HECW1: variants seen among roughly 807,000 people sequenced by gnomAD.
HECW1 encodes HECT, C2 and WW domain containing E3 ubiquitin protein ligase 1.
Under a neutral mutation model 182.3 loss-of-function variants are expected in HECW1, and 61 were observed. That is an observed-to-expected ratio of 0.33 (90% confidence interval 0.27 to 0.41). The LOEUF (loss-of-function observed/expected upper bound fraction) is 0.41, where lower values mean the gene tolerates loss of function less well. Ranked by LOEUF, HECW1 falls within the 10% of genes least tolerant of loss-of-function variation. The probability of loss-of-function intolerance (pLI) is 1.00; values close to 1 mark genes in which losing one functional copy is unlikely to be tolerated. For missense variants in HECW1, 1,739 were observed against 2,108.9 expected, an observed-to-expected ratio of 0.82 and a Z score of 3.44; for synonymous variants, 859 against 832.6, an observed-to-expected ratio of 1.03 and a Z score of -0.55.
At chr7:43,178,529 C>T (rs1326343521) in intron 2 of HECW1, among the ~76,000 whole-genome samples, 1 of 152,230 alleles carries the variant, frequency 6.6e-6, no homozygotes, top group Non-Finnish European at 1.5e-5. Flanking sequence ...GGCCTCCAGA[C>T]AGCTTTCTGT....
At chr7:43,130,794 T>A (rs1786829498) in intron 2 of HECW1, among the ~76,000 whole-genome samples, 1 of 152,206 alleles carries the variant, frequency 6.6e-6, no homozygotes, top group Non-Finnish European at 1.5e-5. Flanking sequence ...TGGCATTATG[T>A]CGGCATTTAA....
At chr7:43,277,686 C>A (rs1393846482) in intron 3 of HECW1, among the ~76,000 whole-genome samples, 3 of 152,190 alleles carry the variant, frequency 2.0e-5, no homozygotes, top group African/African-American at 7.2e-5. Flanking sequence ...CCATTTACCA[C>A]ACATTGTCTT....
At chr7:43,362,152 A>AAG (rs1816038121) in intron 6 of HECW1, among the ~76,000 whole-genome samples, 1 of 141,748 alleles carries the variant, frequency 7.1e-6, no homozygotes, top group Non-Finnish European at 1.5e-5. Context: ...AAAAAAAAAA[A>AAG]GAGAGAGAGA....
At chr7:43,296,317 T>C (rs1562796783) in intron 3 of HECW1, among the ~76,000 whole-genome samples, 1 of 152,216 alleles carries the variant, frequency 6.6e-6, no homozygotes, top group South Asian at 2.1e-4. Context: ...ATTTTTCAAA[T>C]TTTTAGCATG....
chr7:43,342,120 G>A lies in HECW1; in HGVS notation c.461-18766G>A, dbSNP rs116790860. 4.6e-3 allele frequency among the ~76,000 whole-genome samples: 704 copies of A among 151,852 alleles called. 29 individuals carry two copies. Among genetic ancestry groups the A allele is most frequent in the African/African-American group, 0.016 (677 of 41,204 alleles). On this transcript the variant is annotated intron_variant, in intron 5 of 29. Transcript: ENST00000395891. ...GGTGTTGGTTAAAAACCAGACTCAC[G>A]CCTGAAAAGCTTTAACATTTTACCT...
intron 9 of HECW1, chr7:43,438,351 G>T: frequency 2.3e-6 from 1 of 436,298 alleles, no homozygotes; most frequent in Non-Finnish European, 4.0e-6. Context: ...CACTTGATGT[G>T]TAACACTGGT....
At chr7:43,173,232 G>T (rs1471728801) in intron 2 of HECW1, among the ~76,000 whole-genome samples, 4 of 151,734 alleles carry the variant, frequency 2.6e-5, no homozygotes, top group Non-Finnish European at 5.9e-5. Context: ...TAAAAAAGAC[G>T]CAGAGGAAAA....
rs2082313492 is a variant in HECW1, at chr7:43,565,729, C to T, written c.*3803C>T. The stretch of plus-strand genomic sequence containing the variant: ...ATTTTCCTGTTAGTGACATGTAGTC[C>T]CTTTGTTCTAGTAGGAAAAAAGGTG... On this transcript the variant is annotated 3_prime_UTR_variant, in exon 30 of 30. Transcript: ENST00000395891. The T allele has an allele frequency of 5.4e-6, 1 of 185,812 alleles. No individual in the cohort carries two copies. The highest frequency in any genetic ancestry group is 8.6e-5 in the East Asian group (1 of 11,578). The allele number at this position is 185,812 out of a possible 1,614,324, so 11.5% of individuals were successfully genotyped here. A position where few individuals can be genotyped will look rare whatever the true frequency, so the allele number is the denominator to read the frequency against.
In HECW1 at chr7:43,324,991, C is replaced by T. The variant is rs745623594; in HGVS notation, c.460+4249C>T. 4.4e-4 allele frequency among the ~76,000 whole-genome samples: 67 copies of T among 152,118 alleles called. 1 individual carries two copies. Among genetic ancestry groups the T allele is most frequent in the Admixed American group, 2.2e-3 (34 of 15,278 alleles). ...AGTAGGTAATTGCTATTGATTTATA[C>T]AATTTTTAATGGTCTGACTAAATCT... is the stretch of plus-strand genomic sequence containing the variant. On this transcript the variant is annotated intron_variant, in intron 5 of 29. Coordinates refer to ENST00000395891, the MANE Select transcript of HECW1 (RefSeq NM_015052.5).
In HECW1 at chr7:43,460,680, A is replaced by G. The variant is rs562742131; in HGVS notation, c.2652-2980A>G. ...TTGCTACAAAAAAATGGAGGAGGAT[A>G]TTGATGGATAATTCCTAATGAAATA... On this transcript the variant is annotated intron_variant, in intron 13 of 29. Coordinates refer to ENST00000395891, the MANE Select transcript of HECW1 (RefSeq NM_015052.5). 6.6e-5 allele frequency among the ~76,000 whole-genome samples: 10 copies of G among 152,332 alleles called. No individual in the cohort carries two copies. In the East Asian group the frequency reaches 1.9e-3, roughly 29 times the overall value.
chr7:43,219,559 G>T (rs1433516928), intron 2 of HECW1, among the ~76,000 whole-genome samples: 1 of 152,046 alleles, frequency 6.6e-6, no homozygotes, highest in African/African-American at 2.4e-5. Context: ...CAACTCTAAG[G>T]GGGTGTGTGT....
At position 43,564,678 on chromosome 7, in the gene HECW1, A is replaced by G. The variant is rs2152968157; in HGVS notation, c.*2752A>G. 5.5e-6 allele frequency: 1 copy of G among 180,760 alleles called. No homozygotes were observed. Among genetic ancestry groups the G allele is most frequent in the Non-Finnish European group, 1.2e-5 (1 of 84,496 alleles). 11.2% of individuals were successfully genotyped at this position (180,760 alleles called of 1,614,324 possible). On this transcript the variant is annotated 3_prime_UTR_variant, in exon 30 of 30. Transcript: ENST00000395891. The stretch of plus-strand genomic sequence containing the variant: ...ATAGAATCCTTAAGGAAGAAAAACA[A>G]AGAGAAGAGGAACACAGAAACAAGT...
intron 2 of HECW1, among the ~76,000 whole-genome samples, chr7:43,139,092 A>G (rs1234780814): frequency 6.6e-6 from 1 of 152,044 alleles, no homozygotes; most frequent in Non-Finnish European, 1.5e-5. Context: ...TTTTGTTTCC[A>G]TCTCCATTTT....
At chr7:43,423,817 C>T (rs781550300) in intron 8 of HECW1, among the ~76,000 whole-genome samples, 12 of 152,088 alleles carry the variant, frequency 7.9e-5, no homozygotes, top group Non-Finnish European at 1.6e-4. Context: ...ACTGGTGCCT[C>T]GTTCATTGAT....
intron 7 of HECW1, among the ~76,000 whole-genome samples, chr7:43,398,922 G>A (rs1328690060): frequency 4.6e-5 from 7 of 152,206 alleles, no homozygotes; most frequent in South Asian, 2.1e-4. Flanking sequence ...GTTCCTGGGT[G>A]GGGGTCACAA....
At chr7:43,159,496 C>T (rs1250057781) in intron 2 of HECW1, among the ~76,000 whole-genome samples, 2 of 151,838 alleles carry the variant, frequency 1.3e-5, no homozygotes, top group Non-Finnish European at 1.5e-5. Context: ...ATATTAGTTT[C>T]CTTAAAAAAA....
intron 4 of HECW1, among the ~76,000 whole-genome samples, chr7:43,312,449 T>C (rs938268112): frequency 1.1e-4 from 17 of 152,342 alleles, no homozygotes; most frequent in Admixed American, 9.8e-4. Flanking sequence ...GCCCAACCAA[T>C]GTATGTAGAG....
At chr7:43,118,315 G>C (rs1785243703) in intron 2 of HECW1, 2 of 152,674 alleles carry the variant, frequency 1.3e-5, no homozygotes, top group South Asian at 4.1e-4. Flanking sequence ...CATTTAACGT[G>C]CATGGATGTT....
intron 11 of HECW1, among the ~76,000 whole-genome samples, chr7:43,446,645 A>G (rs1379565242): frequency 6.6e-6 from 1 of 152,216 alleles, no homozygotes; most frequent in Non-Finnish European, 1.5e-5. Context: ...AACAGGAGCT[A>G]AAGTGAGCAT....
Sources: allele counts gnomAD v4.1 joint callset (sites outside exome capture counted in the v4.1 genomes callset), GRCh38; gene constraint gnomAD v4.1.1; transcripts MANE v1.5; gene names NCBI Gene and HGNC (gene_info 2026-07-23, HGNC 2026-07-21).